The following DAB1 variants were observed in gnomAD, a reference collection of about 807,000 sequenced individuals.
The protein encoded by DAB1 is DAB adaptor protein 1.
A neutral mutation model predicts 64.6 loss-of-function variants in DAB1; 15 were observed. The ratio of observed to expected loss-of-function variants is 0.23; its 90% CI spans 0.16 to 0.36. The LOEUF (loss-of-function observed/expected upper bound fraction) is 0.36, where lower values mean the gene tolerates loss of function less well. Ranked by LOEUF, DAB1 falls within the 10% of genes least tolerant of loss-of-function variation. The pLI is 1.00. For missense variants in DAB1, 596 were observed against 706.7 expected (o/e 0.84, Z 1.78); for synonymous variants, 235 against 251.9 (o/e 0.93, Z 0.64).
intron 4 of DAB1, among the ~76,000 whole-genome samples, chr1:57,122,451 A>G (rs551096097): frequency 7.9e-5 from 12 of 152,330 alleles, no homozygotes; most frequent in African/African-American, 2.9e-4. Context: ...AAACATGTTC[A>G]TATACTTTCA....
At chr1:58,297,972 T>C (rs1662031116) in intron 4 of DAB1, among the ~76,000 whole-genome samples, 1 of 152,168 alleles carries the variant, frequency 6.6e-6, no homozygotes, top group African/African-American at 2.4e-5. Flanking sequence ...GTTTCCTCCA[T>C]TGTCAGATCA....
downstream of DAB1, among the ~76,000 whole-genome samples, chr1:57,821,620 T>C (rs1652125399): frequency 6.6e-6 from 1 of 152,222 alleles, no homozygotes; most frequent in African/African-American, 2.4e-5. Flanking sequence ...GTTATGGATA[T>C]TATATTGAGT....
chr1:58,350,023 G>T (rs984543436), intron 3 of DAB1, among the ~76,000 whole-genome samples: 1 of 152,122 alleles, frequency 6.6e-6, no homozygotes, highest in Admixed American at 6.5e-5. Flanking sequence ...GATCCTTGAG[G>T]AATTGCCACA....
chr1:57,452,811 C>T (rs1054244722), intron 7 of DAB1, among the ~76,000 whole-genome samples: 3 of 151,582 alleles, frequency 2.0e-5, no homozygotes, highest in African/African-American at 7.3e-5. Context: ...GTATTTTCAG[C>T]ACCTGGCCCA....
At chr1:57,210,548 T>C (rs1285397730) in intron 2 of DAB1, among the ~76,000 whole-genome samples, 2 of 152,140 alleles carry the variant, frequency 1.3e-5, no homozygotes, top group Non-Finnish European at 2.9e-5. Context: ...CTGAGTCTCA[T>C]TAGTGGTATA....
intron 2 of DAB1, among the ~76,000 whole-genome samples, chr1:57,219,329 G>T (rs1391607230): frequency 6.6e-6 from 1 of 151,376 alleles, no homozygotes; most frequent in East Asian, 1.9e-4. Flanking sequence ...CAGAATAAAA[G>T]ATAGCCTTTC....
chr1:58,250,661 G>T (rs911467542), intron 4 of DAB1, among the ~76,000 whole-genome samples: 8 of 152,192 alleles, frequency 5.3e-5, no homozygotes, highest in Non-Finnish European at 8.8e-5. Context: ...GAGCTCTGAG[G>T]GGGAAGGACC....
intron 1 of DAB1, among the ~76,000 whole-genome samples, chr1:57,413,599 C>T (rs532444457): frequency 6.6e-6 from 1 of 151,784 alleles, no homozygotes; most frequent in Admixed American, 6.6e-5. Flanking sequence ...AAGAAATTAG[C>T]CGGGCATGGT....
chr1:57,013,190 A>G (rs1646317560), intron 12 of DAB1, among the ~76,000 whole-genome samples: 1 of 152,252 alleles, frequency 6.6e-6, no homozygotes, highest in Non-Finnish European at 1.5e-5. Flanking sequence ...TCTAAAACAT[A>G]ACAGTAGCTA....
At chr1:58,221,454 G>A (rs1336977624) in intron 4 of DAB1, among the ~76,000 whole-genome samples, 1 of 152,198 alleles carries the variant, frequency 6.6e-6, no homozygotes, top group African/African-American at 2.4e-5. Flanking sequence ...AACAGTCACT[G>A]GCACATGCTT....
At chr1:58,375,104 T>G (rs930659227) in intron 3 of DAB1, among the ~76,000 whole-genome samples, 3 of 147,872 alleles carry the variant, frequency 2.0e-5, no homozygotes, top group African/African-American at 7.6e-5. Context: ...GTTTTCTAGA[T>G]AAACAATCAT....
intron 7 of DAB1, among the ~76,000 whole-genome samples, chr1:57,430,619 C>T (rs563160719): frequency 3.9e-5 from 6 of 152,022 alleles, no homozygotes; most frequent in East Asian, 1.9e-4. Context: ...CCTCGTGATC[C>T]GCCCGCCTAG....
intron 7 of DAB1, among the ~76,000 whole-genome samples, chr1:57,498,528 C>A: frequency 6.6e-6 from 1 of 152,214 alleles, no homozygotes; most frequent in East Asian, 1.9e-4. Context: ...ACAATGCCAA[C>A]ATGGCACAGT....
chr1:57,305,695 C>T (rs986598127), intron 1 of DAB1, among the ~76,000 whole-genome samples: 2 of 152,094 alleles, frequency 1.3e-5, no homozygotes, highest in Admixed American at 6.5e-5. Flanking sequence ...ATGGGCCAGG[C>T]GCAGTGGCTC....
intron 2 of DAB1, among the ~76,000 whole-genome samples, chr1:57,238,860 T>TACACACACACAC (rs1281270538): frequency 3.5e-4 from 47 of 134,032 alleles, no homozygotes; most frequent in South Asian, 1.8e-3. Context: ...CACACACACA[T>TACACACACACAC]ACACACACAC....
intron 9 of DAB1, among the ~76,000 whole-genome samples, chr1:57,035,189 C>T (rs1329785268): frequency 6.6e-6 from 1 of 152,164 alleles, no homozygotes; most frequent in Non-Finnish European, 1.5e-5. Flanking sequence ...GTCGCTACAT[C>T]CTTTATAAAT....
chr1:57,963,367 G>T (rs1392531404), intron 5 of DAB1, among the ~76,000 whole-genome samples: 1 of 152,132 alleles, frequency 6.6e-6, no homozygotes, highest in Non-Finnish European at 1.5e-5. Context: ...GTGACATTAG[G>T]CTGGGTTAGG....
At chr1:57,131,089 C>T (rs1000053796) in intron 4 of DAB1, among the ~76,000 whole-genome samples, 4 of 152,180 alleles carry the variant, frequency 2.6e-5, no homozygotes, top group Non-Finnish European at 5.9e-5. Context: ...GTTGTGACTA[C>T]AAAACTGCCT....
intron 4 of DAB1, among the ~76,000 whole-genome samples, chr1:58,163,031 G>T (rs952053420): frequency 6.6e-6 from 1 of 152,126 alleles, no homozygotes; most frequent in Non-Finnish European, 1.5e-5. Flanking sequence ...CATCCCCCAA[G>T]AAAGAATGAC....
Sources: allele counts gnomAD v4.1 joint callset (sites outside exome capture counted in the v4.1 genomes callset), GRCh38; gene constraint gnomAD v4.1.1; transcripts MANE v1.5; gene names NCBI Gene and HGNC (gene_info 2026-07-23, HGNC 2026-07-21).